Variants in PLA2G10 observed in about 807,000 individuals in gnomAD.
PLA2G10 encodes the protein group 10 secretory phospholipase A2.
PLA2G10 carries 9 observed loss-of-function variants against 7.9 expected under a neutral mutation model. The ratio of observed to expected loss-of-function variants is 1.14; its 90% CI spans 0.68 to 1.98. PLA2G10 has a LOEUF of 1.98. Among genes scored for constraint, PLA2G10 ranks in the 30% most tolerant of loss-of-function variants. The probability of loss-of-function intolerance (pLI) is 0.00; values close to 1 mark genes in which losing one functional copy is unlikely to be tolerated. For missense variants in PLA2G10, 53 were observed against 65.4 expected (o/e 0.81, Z 0.66); for synonymous variants, 19 against 27.5 (o/e 0.69, Z 0.97).
chr16:14,681,025 G>A (rs1960875873), intron 3 of PLA2G10, among the ~76,000 whole-genome samples: 1 of 151,976 alleles, frequency 6.6e-6, no homozygotes, highest in African/African-American at 2.4e-5. Flanking sequence ...AATTAGCTGG[G>A]TATGGTGGTG....
chr16:14,677,376 AT>A (rs746687677), intron 3 of PLA2G10, among the ~76,000 whole-genome samples: 3 of 150,740 alleles, frequency 2.0e-5, no homozygotes, highest in African/African-American at 7.3e-5. Flanking sequence ...AAAACTTTTC[AT>A]TTTTTTTTGA....
intron 3 of PLA2G10, among the ~76,000 whole-genome samples, chr16:14,680,827 C>A (rs927314196): frequency 6.6e-6 from 1 of 152,012 alleles, no homozygotes; most frequent in African/African-American, 2.4e-5. Flanking sequence ...AGCATGGAGC[C>A]CGGCAGAGTA....
intron 3 of PLA2G10, among the ~76,000 whole-genome samples, chr16:14,679,124 T>G (rs1960809296): frequency 6.6e-6 from 1 of 152,200 alleles, no homozygotes; most frequent in Non-Finnish European, 1.5e-5. Context: ...CATGCACTCC[T>G]GCTTTTTGTT....
intron 3 of PLA2G10, among the ~76,000 whole-genome samples, chr16:14,686,939 C>T (rs2151855394): frequency 6.6e-6 from 1 of 152,134 alleles, no homozygotes; most frequent in East Asian, 2.0e-4. Context: ...AACCTCATCT[C>T]TACTAAAAAT....
chr16:14,679,595 G>A (rs1334725962), intron 3 of PLA2G10, among the ~76,000 whole-genome samples: 3 of 151,428 alleles, frequency 2.0e-5, no homozygotes, highest in African/African-American at 4.9e-5. Context: ...GGGAGACGGA[G>A]GTTGCAGTGA....
In PLA2G10 at chr16:14,672,561, G is replaced by A; in HGVS notation, c.*46C>T. ...TGAATGCTGTTGTTCATTACTGAGAGGACGCTTTATTTCCTTGTGCAAAAG... is the reference window on the plus strand; with the variant it reads ...TGAATGCTGTTGTTCATTACTGAGAAGACGCTTTATTTCCTTGTGCAAAAG... On this transcript the variant is annotated 3_prime_UTR_variant, in exon 4 of 4. Coordinates refer to ENST00000438167, the MANE Select transcript of PLA2G10 (RefSeq NM_003561.3). 6.3e-7 allele frequency: 1 copy of A among 1,595,006 alleles called. No individual in the cohort carries two copies. Among genetic ancestry groups the A allele is most frequent in the Non-Finnish European group, 8.6e-7 (1 of 1,165,258 alleles).
At chr16:14,684,739 T>C (rs1217067956) in intron 3 of PLA2G10, among the ~76,000 whole-genome samples, 4 of 152,144 alleles carry the variant, frequency 2.6e-5, no homozygotes, top group African/African-American at 9.7e-5. Flanking sequence ...AGAGGATAGT[T>C]TGAGCCCAGG....
chr16:14,673,243 G>A (rs536133888), intron 3 of PLA2G10, among the ~76,000 whole-genome samples: 2 of 151,944 alleles, frequency 1.3e-5, no homozygotes, highest in East Asian at 3.9e-4. Context: ...GGATGGTCTC[G>A]AACTCCTGAC....
intron 3 of PLA2G10, chr16:14,678,755 G>A (rs778100230): frequency 5.1e-5 from 20 of 390,492 alleles, no homozygotes; most frequent in Non-Finnish European, 7.1e-5. Flanking sequence ...GGGTGACAGA[G>A]CAAGACTGTC....
At chr16:14,676,994 T>C (rs1300021374) in intron 3 of PLA2G10, among the ~76,000 whole-genome samples, 2 of 152,148 alleles carry the variant, frequency 1.3e-5, no homozygotes, top group Non-Finnish European at 2.9e-5. Flanking sequence ...TAAAAAGCTA[T>C]GTATTGGGTA....
At chr16:14,677,393 A>C (rs1960751334) in intron 3 of PLA2G10, among the ~76,000 whole-genome samples, 2 of 151,928 alleles carry the variant, frequency 1.3e-5, no homozygotes, top group African/African-American at 4.8e-5. Flanking sequence ...TTTGAGACGG[A>C]GTTTCACTCT....
intron 3 of PLA2G10, among the ~76,000 whole-genome samples, chr16:14,684,153 G>T (rs557109093): frequency 6.6e-6 from 1 of 151,542 alleles, no homozygotes; most frequent in East Asian, 1.9e-4. Flanking sequence ...GAGGTCAGGA[G>T]TTCGAGACAG....
chr16:14,685,916 G>A (rs1370237921), intron 3 of PLA2G10, among the ~76,000 whole-genome samples: 7 of 150,156 alleles, frequency 4.7e-5, no homozygotes, highest in Admixed American at 6.7e-5. Context: ...CTCGTGATCC[G>A]CCCACCTCAG....
chr16:14,682,927 G>A (rs1248542516), intron 3 of PLA2G10, among the ~76,000 whole-genome samples: 1 of 152,036 alleles, frequency 6.6e-6, no homozygotes, highest in Non-Finnish European at 1.5e-5. Context: ...AAATCAACTG[G>A]GTGTGGTGGC....
At chr16:14,673,717 G>T (rs1463787276) in intron 3 of PLA2G10, among the ~76,000 whole-genome samples, 1 of 151,968 alleles carries the variant, frequency 6.6e-6, no homozygotes, top group African/African-American at 2.4e-5. Context: ...AATATACTAG[G>T]CATAGAAGGA....
At chr16:14,677,239 T>A (rs747113481) in intron 3 of PLA2G10, among the ~76,000 whole-genome samples, 4 of 152,192 alleles carry the variant, frequency 2.6e-5, no homozygotes. Context: ...GATAGATGGA[T>A]CCCTCATCAT....
At chr16:14,684,294 G>A (rs529382488) in intron 3 of PLA2G10, among the ~76,000 whole-genome samples, 2 of 129,950 alleles carry the variant, frequency 1.5e-5, no homozygotes, top group Non-Finnish European at 3.1e-5. Context: ...CCGAGATCAC[G>A]CCATTGCACT....
chr16:14,679,162 A>G (rs1359699403), intron 3 of PLA2G10, among the ~76,000 whole-genome samples: 1 of 152,038 alleles, frequency 6.6e-6, no homozygotes, highest in African/African-American at 2.4e-5. Context: ...ACAACCTAAA[A>G]TTTACCATAT....
chr16:14,679,307 A>G (rs1960815557), intron 3 of PLA2G10, among the ~76,000 whole-genome samples: 1 of 151,914 alleles, frequency 6.6e-6, no homozygotes, highest in African/African-American at 2.4e-5. Context: ...GCTGAGTCAG[A>G]AGGATTGCTT....
Sources: gnomAD v4.1 joint callset for allele counts (sites outside exome capture counted in the v4.1 genomes callset) on GRCh38, gnomAD v4.1.1 for gene constraint, MANE v1.5 for transcripts, NCBI Gene and HGNC (gene_info 2026-07-23, HGNC 2026-07-21) for gene names.